The following MAST4 variants were observed in gnomAD, a reference collection of about 807,000 sequenced individuals.
MAST4 encodes microtubule-associated serine/threonine-protein kinase 4.
A neutral mutation model predicts 162.7 loss-of-function variants in MAST4; 89 were observed. The ratio of observed to expected loss-of-function variants is 0.55; its 90% confidence interval spans 0.46 to 0.65. The LOEUF is 0.65. MAST4 is among the 30% of genes least tolerant of loss of function. MAST4 has a pLI of 0.00. For missense variants in MAST4, 3,153 were observed against 3,374.0 expected, an observed-to-expected ratio of 0.93 and a Z score of 1.62; for synonymous variants, 1,479 against 1,361.1, an observed-to-expected ratio of 1.09 and a Z score of -1.91.
At position 67,164,820 on chromosome 5, in the gene MAST4, C is replaced by T. The variant is rs763216114; in HGVS notation, c.5641C>T (p.Arg1881Ter). The T allele has an allele frequency of 6.8e-6, 11 of 1,613,896 alleles. No individual in the cohort carries two copies. Among genetic ancestry groups the T allele is most frequent in the South Asian group, 1.1e-5 (1 of 91,090 alleles). Residue 1881 changes from arginine to a stop codon, truncating the protein, a stop_gained, in exon 29 of 29, where the codon CGA becomes TGA. Transcript: ENST00000403625. LOFTEE classifies it low-confidence loss of function (END_TRUNC). The surrounding 1 kb of genome is among the most constrained non-coding windows in gnomAD (Gnocchi z 5.3). ...GGAGCCTTGGTTCCTGCCCCCCAGCCGAGGTCTCCAGAATTCACCAGCAGT... is the reference window on the plus strand; with the variant it reads ...GGAGCCTTGGTTCCTGCCCCCCAGCTGAGGTCTCCAGAATTCACCAGCAGT... ...LLEPWFLPPS[R>*]GLQNSPAVSL...
intron 5 of MAST4, among the ~76,000 whole-genome samples, chr5:67,058,860 A>G (rs996481092): frequency 2.0e-5 from 3 of 152,254 alleles, no homozygotes; most frequent in Non-Finnish European, 4.4e-5. Context: ...AATAAAACCC[A>G]TAAGAAAACA....
At chr5:66,937,612 A>G (rs974308438) in intron 4 of MAST4, among the ~76,000 whole-genome samples, 4 of 152,030 alleles carry the variant, frequency 2.6e-5, no homozygotes, top group East Asian at 1.9e-4. Flanking sequence ...ATATGTTTCT[A>G]TATTTGCTCT....
Position 67,142,411 on chromosome 5 carries a change from T to G in MAST4, c.2618-10T>G, listed in dbSNP as rs771361352. ...AGTAATTGGACCTGTTCCCAAACAT[T>G]TCACTGCAGCTCGGTCTGAGAAGTA... On this transcript the variant is annotated splice_polypyrimidine_tract_variant and intron_variant, in intron 20 of 28. Coordinates refer to ENST00000403625, the MANE Select transcript of MAST4 (RefSeq NM_001164664.2). 1 of 1,580,812 alleles carries G rather than the reference T, an allele frequency of 6.3e-7. No individual in the cohort carries two copies. Among genetic ancestry groups the G allele is most frequent in the East Asian group, 2.3e-5 (1 of 43,824 alleles).
intron 23 of MAST4, among the ~76,000 whole-genome samples, chr5:67,148,889 A>T (rs1413596106): frequency 1.3e-5 from 2 of 152,220 alleles, no homozygotes; most frequent in African/African-American, 4.8e-5. Context: ...GTAAGTCTAC[A>T]GGGAGTGATG....
At chr5:67,105,519 T>G (rs1765502412) in intron 10 of MAST4, among the ~76,000 whole-genome samples, 1 of 152,218 alleles carries the variant, frequency 6.6e-6, no homozygotes, top group South Asian at 2.1e-4. Context: ...TTTCTCACAT[T>G]GCAACCAACT....
intron 3 of MAST4, among the ~76,000 whole-genome samples, chr5:66,877,265 A>G (rs1440961400): frequency 6.6e-6 from 1 of 152,174 alleles, no homozygotes. Flanking sequence ...TAAGGTAAGT[A>G]CTGCTATGGG....
chr5:66,758,027 A>T (rs962536361), intron 1 of MAST4, among the ~76,000 whole-genome samples: 2 of 151,820 alleles, frequency 1.3e-5, no homozygotes, highest in Non-Finnish European at 2.9e-5. Context: ...ATACCTTGTG[A>T]TAAGTTCAGC....
intron 1 of MAST4, among the ~76,000 whole-genome samples, chr5:66,702,442 G>A (rs1749843805): frequency 6.6e-6 from 1 of 152,186 alleles, no homozygotes; most frequent in South Asian, 2.1e-4. Flanking sequence ...GGCGTGCTAA[G>A]ATAAAAATAA....
At chr5:66,717,928 G>T (rs1750945442) in intron 1 of MAST4, among the ~76,000 whole-genome samples, 1 of 152,190 alleles carries the variant, frequency 6.6e-6, no homozygotes, top group Non-Finnish European at 1.5e-5. Flanking sequence ...GGACCGCTGG[G>T]TCTAAGCCTG....
intron 19 of MAST4, among the ~76,000 whole-genome samples, chr5:67,141,195 G>A (rs1277924628): frequency 6.6e-6 from 1 of 152,148 alleles, no homozygotes; most frequent in Non-Finnish European, 1.5e-5. Flanking sequence ...CAAGAAAGAG[G>A]CATTTACTTG....
intron 4 of MAST4, among the ~76,000 whole-genome samples, chr5:66,944,268 G>A (rs369988665): frequency 1.3e-5 from 2 of 152,030 alleles, no homozygotes; most frequent in African/African-American, 2.4e-5. Context: ...ATAAACAAAC[G>A]GGTTTGTAAA....
chr5:67,013,618 C>T (rs1752939362), intron 4 of MAST4, among the ~76,000 whole-genome samples: 1 of 151,478 alleles, frequency 6.6e-6, no homozygotes, highest in Non-Finnish European at 1.5e-5. Flanking sequence ...ACAAATTTCT[C>T]AGCTATGAAA....
intron 3 of MAST4, among the ~76,000 whole-genome samples, chr5:66,887,131 G>A (rs540421894): frequency 1.3e-5 from 2 of 152,286 alleles, no homozygotes; most frequent in South Asian, 4.1e-4. Context: ...TCACAAATGT[G>A]ATGCCATTAA....
chr5:67,023,463 G>A (rs1754239716), intron 4 of MAST4, among the ~76,000 whole-genome samples: 1 of 152,234 alleles, frequency 6.6e-6, no homozygotes, highest in East Asian at 1.9e-4. Context: ...GTAGCTCTAT[G>A]AACAATGATG....
chr5:66,923,204 G>A (rs969190390), intron 4 of MAST4, among the ~76,000 whole-genome samples: 1 of 152,190 alleles, frequency 6.6e-6, no homozygotes, highest in Non-Finnish European at 1.5e-5. Flanking sequence ...GTTTTTCATA[G>A]TCCTTGTATT....
intron 1 of MAST4, among the ~76,000 whole-genome samples, chr5:66,699,466 G>T (rs761960374): frequency 3.3e-5 from 5 of 152,004 alleles, no homozygotes; most frequent in Middle Eastern, 3.2e-3. Flanking sequence ...GGATTTTTTT[G>T]TTAGTCACCA....
At chr5:66,601,915 T>G (rs1023029578) in intron 1 of MAST4, among the ~76,000 whole-genome samples, 3 of 152,166 alleles carry the variant, frequency 2.0e-5, no homozygotes, top group Admixed American at 6.5e-5. Flanking sequence ...ATTGATAACC[T>G]GAGAAGATGT....
intron 5 of MAST4, among the ~76,000 whole-genome samples, chr5:67,061,577 TGTCA>T (rs1197816770): frequency 2.0e-5 from 3 of 151,936 alleles, no homozygotes; most frequent in African/African-American, 4.8e-5. Flanking sequence ...TGGTCCAAAC[TGTCA>T]GTCTTTTTTT....
At chr5:66,896,082 A>G (rs1219537469) in intron 3 of MAST4, among the ~76,000 whole-genome samples, 1 of 152,116 alleles carries the variant, frequency 6.6e-6, no homozygotes, top group Admixed American at 6.5e-5. Context: ...AAGATTTTTC[A>G]TTTATTCAGG....
Sources: allele counts gnomAD v4.1 joint callset (sites outside exome capture counted in the v4.1 genomes callset), GRCh38; gene constraint gnomAD v4.1.1; non-coding constraint Gnocchi (gnomAD v3.1); transcripts MANE v1.5; gene names NCBI Gene and HGNC (gene_info 2026-07-23, HGNC 2026-07-21).